The following PTPRT variants were observed in gnomAD, a reference collection of about 807,000 sequenced individuals.
PTPRT encodes receptor-type tyrosine-protein phosphatase T.
PTPRT carries 56 observed loss-of-function variants against 176.8 expected under a neutral mutation model. The ratio of observed to expected loss-of-function variants is 0.32; its 90% CI spans 0.26 to 0.40. The LOEUF (loss-of-function observed/expected upper bound fraction) is 0.40. Among genes scored for constraint, PTPRT ranks in the 10% least tolerant of loss-of-function variants. The probability of loss-of-function intolerance (pLI) is 1.00; values close to 1 mark genes in which losing one functional copy is unlikely to be tolerated. For synonymous variants in PTPRT, 783 were observed against 739.0 expected, an observed-to-expected ratio of 1.06 and a Z score of -0.96; for missense variants, 1,540 against 1,908.2, an observed-to-expected ratio of 0.81 and a Z score of 3.60.
intron 2 of PTPRT, among the ~76,000 whole-genome samples, chr20:42,795,259 C>G (rs1229724264): frequency 6.6e-6 from 1 of 152,088 alleles, no homozygotes; most frequent in East Asian, 1.9e-4. Context: ...ATACATAGCA[C>G]TGAAAATTGT....
chr20:43,187,194 T>G (rs1169615905), intron 1 of PTPRT, among the ~76,000 whole-genome samples: 3 of 152,250 alleles, frequency 2.0e-5, no homozygotes, highest in South Asian at 4.1e-4. Context: ...AACTATGTTA[T>G]GGATGTAACC....
intron 1 of PTPRT, among the ~76,000 whole-genome samples, chr20:42,973,501 C>A (rs1398360374): frequency 6.6e-6 from 1 of 152,132 alleles, no homozygotes; most frequent in Non-Finnish European, 1.5e-5. Flanking sequence ...GTTCTCCTCC[C>A]TGTAGATTAT....
intron 2 of PTPRT, among the ~76,000 whole-genome samples, chr20:42,876,620 A>T (rs1027188607): frequency 6.6e-6 from 1 of 152,224 alleles, no homozygotes; most frequent in African/African-American, 2.4e-5. Flanking sequence ...TGAAAGCTAC[A>T]GATGCCCCAG....
At chr20:42,710,715 C>G (rs772491944) in intron 6 of PTPRT, among the ~76,000 whole-genome samples, 6 of 152,230 alleles carry the variant, frequency 3.9e-5, no homozygotes, top group Non-Finnish European at 7.3e-5. Flanking sequence ...GGGTACTGCA[C>G]AGTGGAATTG....
chr20:43,065,928 A>C (rs2146261061), intron 1 of PTPRT, among the ~76,000 whole-genome samples: 1 of 152,302 alleles, frequency 6.6e-6, no homozygotes. Flanking sequence ...CACATCTAGC[A>C]AGCAAGAGAA....
intron 26 of PTPRT, among the ~76,000 whole-genome samples, chr20:42,099,546 C>CGGGGGGGGGG (rs59137378): frequency 1.4e-4 from 4 of 28,894 alleles, no homozygotes; most frequent in Non-Finnish European, 2.0e-4. Flanking sequence ...ATGGCCTGGG[C>CGGGGGGGGGG]GGGGGGGGGG....
At chr20:42,487,156 T>C (rs230159) in intron 7 of PTPRT, among the ~76,000 whole-genome samples, 2,703 of 152,276 alleles carry the variant, frequency 0.018, 55 homozygotes, top group Admixed American at 0.049. Flanking sequence ...ATTTAAGCAG[T>C]TTCCTGTTCT....
chr20:42,972,503 A>T (rs1982705782), intron 1 of PTPRT, among the ~76,000 whole-genome samples: 1 of 151,696 alleles, frequency 6.6e-6, no homozygotes, highest in African/African-American at 2.4e-5. Context: ...CTCTACCAAA[A>T]ATACAAAAAT....
chr20:43,078,411 T>A (rs1262384393), intron 1 of PTPRT, among the ~76,000 whole-genome samples: 1 of 152,196 alleles, frequency 6.6e-6, no homozygotes, highest in Non-Finnish European at 1.5e-5. Context: ...CAGCCCAGCT[T>A]GGGCATCCAG....
chr20:42,780,648 G>T (rs1569152634), intron 3 of PTPRT, among the ~76,000 whole-genome samples: 1 of 152,140 alleles, frequency 6.6e-6, no homozygotes, highest in Non-Finnish European at 1.5e-5. Context: ...CTTCTACAGA[G>T]AACTACTTTC....
At chr20:42,340,397 G>A (rs980523431) in intron 11 of PTPRT, among the ~76,000 whole-genome samples, 14 of 152,190 alleles carry the variant, frequency 9.2e-5, no homozygotes, top group African/African-American at 2.9e-4. Flanking sequence ...AGCAGCTGTA[G>A]CCAGGTAAGA....
intron 7 of PTPRT, among the ~76,000 whole-genome samples, chr20:42,499,889 G>C (rs2071723157): frequency 6.6e-6 from 1 of 152,020 alleles, no homozygotes; most frequent in Non-Finnish European, 1.5e-5. Context: ...ATTTTAGTTA[G>C]ATTCATTCAT....
chr20:42,372,163 C>T (rs2058594753), intron 9 of PTPRT, among the ~76,000 whole-genome samples: 2 of 151,854 alleles, frequency 1.3e-5, no homozygotes, highest in Non-Finnish European at 1.5e-5. Flanking sequence ...CAGCCCTTGG[C>T]TATGTTTCCA....
At chr20:42,936,503 A>T (rs1980203046) in intron 1 of PTPRT, among the ~76,000 whole-genome samples, 1 of 152,202 alleles carries the variant, frequency 6.6e-6, no homozygotes, top group African/African-American at 2.4e-5. Context: ...TAAGATGGAA[A>T]GCTACTGGTG....
intron 11 of PTPRT, among the ~76,000 whole-genome samples, chr20:42,335,757 G>T (rs1396708388): frequency 6.6e-6 from 1 of 152,146 alleles, no homozygotes; most frequent in Non-Finnish European, 1.5e-5. Flanking sequence ...AGTTCTGTGG[G>T]AGGAAAAATG....
intron 7 of PTPRT, among the ~76,000 whole-genome samples, chr20:42,530,012 C>A (rs1447693597): frequency 6.6e-6 from 1 of 152,140 alleles, no homozygotes; most frequent in African/African-American, 2.4e-5. Context: ...CGTTTCTTTA[C>A]CTGAAAGAGC....
chr20:42,424,186 T>C (rs1345176879), intron 9 of PTPRT, among the ~76,000 whole-genome samples: 1 of 152,182 alleles, frequency 6.6e-6, no homozygotes, highest in Admixed American at 6.5e-5. Flanking sequence ...TTTGTTCTTG[T>C]CATGACTTTG....
chr20:42,117,645 G>C (rs1427508396), intron 21 of PTPRT, among the ~76,000 whole-genome samples: 1 of 152,128 alleles, frequency 6.6e-6, no homozygotes, highest in Non-Finnish European at 1.5e-5. Context: ...TGGATTTGTC[G>C]ACATGAAGGG....
At chr20:42,705,235 C>A (rs1051211579) in intron 6 of PTPRT, among the ~76,000 whole-genome samples, 2 of 152,050 alleles carry the variant, frequency 1.3e-5, no homozygotes, top group African/African-American at 4.8e-5. Context: ...TTGTTACACA[C>A]GTCCATATAA....
Sources: gnomAD v4.1 joint callset for allele counts (sites outside exome capture counted in the v4.1 genomes callset) on GRCh38, gnomAD v4.1.1 for gene constraint, MANE v1.5 for transcripts, NCBI Gene and HGNC (gene_info 2026-07-23, HGNC 2026-07-21) for gene names.